TMPRSS2: variants seen among roughly 807,000 people sequenced by gnomAD.
TMPRSS2 encodes the protein transmembrane serine protease 2.
In TMPRSS2, 59 loss-of-function variants were observed where a neutral mutation model predicts 67.4. That is an observed-to-expected ratio of 0.88 (90% CI 0.71 to 1.09). The LOEUF (loss-of-function observed/expected upper bound fraction) is 1.09, where lower values mean the gene tolerates loss of function less well. Among genes scored for constraint, TMPRSS2 ranks in the 50% least tolerant of loss-of-function variants. The pLI, the probability that TMPRSS2 is intolerant of heterozygous loss-of-function variation, is 0.00. For synonymous variants in TMPRSS2, 257 were observed against 257.0 expected (o/e 1.00, Z 0.00); for missense variants, 668 against 642.7 (o/e 1.04, Z -0.43).
intron 9 of TMPRSS2, among the ~76,000 whole-genome samples, chr21:41,473,094 T>A (rs2091148757): frequency 6.6e-6 from 1 of 152,140 alleles, no homozygotes; most frequent in South Asian, 2.1e-4. Context: ...TCGTGGAGAA[T>A]GTTCCACCTG....
chr21:41,471,419 G>A (rs1308498762), intron 10 of TMPRSS2, among the ~76,000 whole-genome samples: 2 of 152,228 alleles, frequency 1.3e-5, no homozygotes, highest in African/African-American at 4.8e-5. Flanking sequence ...AACACTGGTT[G>A]TCACAGCTTG....
chr21:41,504,251 T>C (rs2091442542), intron 1 of TMPRSS2, among the ~76,000 whole-genome samples: 1 of 152,134 alleles, frequency 6.6e-6, no homozygotes, highest in Non-Finnish European at 1.5e-5. Flanking sequence ...ACTTCCTGCT[T>C]TCTTACCACA....
intron 5 of TMPRSS2, among the ~76,000 whole-genome samples, chr21:41,481,583 T>C (rs907843425): frequency 2.6e-5 from 4 of 152,188 alleles, no homozygotes; most frequent in Non-Finnish European, 5.9e-5. Context: ...TTCGTGAATA[T>C]ATAAAAGCCA....
intron 11 of TMPRSS2, among the ~76,000 whole-genome samples, chr21:41,469,452 T>A (rs2091112305): frequency 6.6e-6 from 1 of 151,970 alleles, no homozygotes; most frequent in South Asian, 2.1e-4. Flanking sequence ...TCTCCCCACC[T>A]CAAGCAGATG....
chr21:41,479,928 CCT>C (rs2091243399), intron 6 of TMPRSS2, among the ~76,000 whole-genome samples: 4 of 152,166 alleles, frequency 2.6e-5, no homozygotes, highest in Admixed American at 2.0e-4. Flanking sequence ...CGACACACAC[CCT>C]GTTAAGCCTT....
At chr21:41,466,327 C>A (rs1205279773) in intron 13 of TMPRSS2, among the ~76,000 whole-genome samples, 174 bp from the exon 14 acceptor site, 1 of 152,210 alleles carries the variant, frequency 6.6e-6, no homozygotes, top group Non-Finnish European at 1.5e-5. Context: ...CTGAGCATGG[C>A]GGGGCAGGAG....
At chr21:41,480,327 C>G in intron 6 of TMPRSS2, 149 bp downstream of exon 6, 3 of 1,338,002 alleles carry the variant, frequency 2.2e-6, no homozygotes, top group Non-Finnish European at 2.0e-6. Context: ...GGACAAATTC[C>G]ACCTGCTGGT....
At chr21:41,472,549 A>T (rs1404030301) in intron 9 of TMPRSS2, among the ~76,000 whole-genome samples, 4 of 152,214 alleles carry the variant, frequency 2.6e-5, no homozygotes, top group African/African-American at 9.6e-5. Flanking sequence ...TGGGGGTGTG[A>T]AGAGGGGGAG....
intron 10 of TMPRSS2, 117 bp from the exon 11 acceptor site, chr21:41,470,860 T>C: frequency 1.4e-6 from 1 of 693,952 alleles, no homozygotes; most frequent in Non-Finnish European, 2.4e-6. Flanking sequence ...CAGAGGACCC[T>C]GCATCCCAAC....
At chr21:41,499,448 T>G (rs983303207) in intron 1 of TMPRSS2, among the ~76,000 whole-genome samples, 5 of 152,182 alleles carry the variant, frequency 3.3e-5, no homozygotes, top group Admixed American at 6.5e-5. Flanking sequence ...CTCAGTCAGT[T>G]TAGCCAGAAC....
In TMPRSS2 at chr21:41,494,385, T is replaced by G; in HGVS notation, c.209A>C (p.Lys70Thr). 1 of 1,609,596 alleles carries G rather than the reference T, an allele frequency of 6.2e-7. No homozygotes were observed. The highest frequency in any genetic ancestry group is 8.5e-7 in the Non-Finnish European group (1 of 1,178,916). The change falls in exon 3 of 14, where the codon AAA becomes ACA. Residue 70 changes from lysine to threonine, a missense_variant. Physicochemically the swap from Lys to Thr is moderately conservative, Grantham distance 78. Transcript: ENST00000332149. ...ASNPVVCTQP[K>T]SPSGTVCTSK... is the part of the protein sequence containing the mutation. The stretch of plus-strand genomic sequence containing the variant: ...GGTGCACACTGTCCCGGATGGGGAT[T>G]TGGGCTGCGTGCAGACGACGGGGTT...
At position 41,470,669 on chromosome 21, in the gene TMPRSS2, A is replaced by G. The variant is rs770740506; in HGVS notation, c.1150T>C (p.Trp384Arg). ...QPEQLCWISG[W>R]GATEEKGKTS... is the part of the protein sequence containing the mutation. Reference sequence around the variant, plus strand: ...TCACCTTTCTCCTCGGTGGCCCCCCACCCGGAAATCCAGCAGAGCTGTTCT... The same window carrying G: ...TCACCTTTCTCCTCGGTGGCCCCCCGCCCGGAAATCCAGCAGAGCTGTTCT... The change falls in exon 11 of 14, where the codon TGG becomes CGG. Residue 384 changes from tryptophan (W) to arginine (R), a missense_variant. Trp to Arg is a moderately radical substitution (Grantham distance 101, BLOSUM62 -3). Coordinates refer to ENST00000332149, the MANE Select transcript of TMPRSS2 (RefSeq NM_005656.4). 3 of 1,613,380 alleles carry G rather than the reference A, an allele frequency of 1.9e-6. No individual in the cohort carries two copies. Among genetic ancestry groups the G allele is most frequent in the Non-Finnish European group, 2.5e-6 (3 of 1,179,928 alleles).
Position 41,495,817 on chromosome 21 carries a change from C to T in TMPRSS2, c.16-1239G>A, listed in dbSNP as rs563800355. Among the ~76,000 whole-genome samples, 3 of 151,942 alleles carry T rather than the reference C, an allele frequency of 2.0e-5. No homozygotes were observed. In the South Asian group the frequency reaches 6.2e-4, roughly 32 times the overall value. On this transcript the variant is annotated intron_variant, in intron 2 of 13. Transcript: ENST00000332149. ...CGTACAGACTCAAACTCGAGAACCA[C>T]ACAAGCCAGGGCAAACCCACCCCAG... is the stretch of plus-strand genomic sequence containing the variant.
intron 9 of TMPRSS2, among the ~76,000 whole-genome samples, chr21:41,472,722 AC>A (rs1192008173): frequency 6.6e-6 from 1 of 152,178 alleles, no homozygotes; most frequent in Non-Finnish European, 1.5e-5. Context: ...CAACAGTCAA[AC>A]CCAGTTCAGC....
intron 2 of TMPRSS2, among the ~76,000 whole-genome samples, chr21:41,496,497 G>A (rs1026754680): frequency 6.6e-6 from 1 of 152,224 alleles, no homozygotes; most frequent in Non-Finnish European, 1.5e-5. Flanking sequence ...CTGGGTCAGA[G>A]TGTGGCCATA....
chr21:41,501,418 G>C (rs1296527378), intron 1 of TMPRSS2, among the ~76,000 whole-genome samples: 1 of 152,060 alleles, frequency 6.6e-6, no homozygotes, highest in South Asian at 2.1e-4. Context: ...AGACCAGCCT[G>C]GCCAACATAG....
intron 12 of TMPRSS2, 83 bp from the exon 13 acceptor site, chr21:41,467,969 G>C (rs1299542810): frequency 2.6e-6 from 4 of 1,528,400 alleles, no homozygotes; most frequent in Non-Finnish European, 3.6e-6. Flanking sequence ...GAGGAGTTGG[G>C]GGGCGGGGGT....
At chr21:41,498,318 C>T (rs2091400317) in intron 1 of TMPRSS2, 129 bp from the exon 2 acceptor site, 3 of 619,822 alleles carry the variant, frequency 4.8e-6, no homozygotes, top group Non-Finnish European at 5.6e-6. Context: ...GCCTGCTGAC[C>T]TTTGGCCTGC....
Position 41,465,950 on chromosome 21 carries a change from G to T in TMPRSS2, c.*192C>A. The T allele has an allele frequency of 1.5e-6, 1 of 671,230 alleles. No individual in the cohort carries two copies. Among genetic ancestry groups the T allele is most frequent in the Non-Finnish European group, 2.6e-6 (1 of 385,506 alleles). 41.6% of individuals were successfully genotyped at this position (671,230 alleles called of 1,614,324 possible). ...CACCCCTTGCGGACAAGGGGTTAGGGAGAGCAGGCTGGGCAGGGGAGCCAC... is the reference window on the plus strand; with the variant it reads ...CACCCCTTGCGGACAAGGGGTTAGGTAGAGCAGGCTGGGCAGGGGAGCCAC... On this transcript the variant is annotated 3_prime_UTR_variant, in exon 14 of 14. Coordinates refer to ENST00000332149, the MANE Select transcript of TMPRSS2 (RefSeq NM_005656.4).
Sources: allele counts gnomAD v4.1 joint callset (sites outside exome capture counted in the v4.1 genomes callset), GRCh38; gene constraint gnomAD v4.1.1; transcripts MANE v1.5; gene names NCBI Gene and HGNC (gene_info 2026-07-23, HGNC 2026-07-21).